The following TMEM177 variants were observed in gnomAD, a reference collection of about 807,000 sequenced individuals.
TMEM177 encodes the protein transmembrane protein 177.
TMEM177 carries 4 observed loss-of-function variants against 14.2 expected under a neutral mutation model. The observed-to-expected ratio is 0.28, with a 90% confidence interval of 0.14 to 0.64. TMEM177 has a LOEUF of 0.64. TMEM177 is among the 30% of genes least tolerant of loss of function. TMEM177 has a pLI of 0.82. For synonymous variants in TMEM177, 179 were observed against 174.5 expected, an observed-to-expected ratio of 1.03 and a Z score of -0.20; for missense variants, 344 against 405.2, an observed-to-expected ratio of 0.85 and a Z score of 1.30.
chr2:119,693,302 G>A, the TMEM177 span, among the ~76,000 whole-genome samples: 1 of 152,198 alleles, frequency 6.6e-6, no homozygotes, highest in Non-Finnish European at 1.5e-5. Flanking sequence ...GTTTGACGCA[G>A]TAGCACACAG....
At chr2:119,688,204 A>C (rs1203490188), downstream of TMEM177, among the ~76,000 whole-genome samples, 1 of 152,224 alleles carries the variant, frequency 6.6e-6, no homozygotes, top group Non-Finnish European at 1.5e-5. Flanking sequence ...AATGAGGTAC[A>C]ATCTGCATGG....
the TMEM177 span, among the ~76,000 whole-genome samples, chr2:119,720,141 T>G: frequency 6.6e-6 from 1 of 151,792 alleles, no homozygotes; most frequent in Non-Finnish European, 1.5e-5. Context: ...TATCCAAAAT[T>G]TTTAAAAATA....
chr2:119,702,249 G>A, the TMEM177 span, among the ~76,000 whole-genome samples: 6 of 152,200 alleles, frequency 3.9e-5, no homozygotes, highest in Non-Finnish European at 5.9e-5. Context: ...AGATGGAGTC[G>A]GTTAGGTCTG....
At chr2:119,684,447 G>T (rs1308306434), downstream of TMEM177, among the ~76,000 whole-genome samples, 1 of 152,186 alleles carries the variant, frequency 6.6e-6, no homozygotes, top group Non-Finnish European at 1.5e-5. Flanking sequence ...GGAGCTAGCG[G>T]CTTAGCATCT....
chr2:119,723,110 C>T, the TMEM177 span, among the ~76,000 whole-genome samples: 1 of 152,124 alleles, frequency 6.6e-6, no homozygotes, highest in East Asian at 1.9e-4. Context: ...AGTATCCCTG[C>T]TATAAGCCAT....
At chr2:119,690,181 T>C (rs1409177499), downstream of TMEM177, among the ~76,000 whole-genome samples, 1 of 152,212 alleles carries the variant, frequency 6.6e-6, no homozygotes, top group Non-Finnish European at 1.5e-5. Context: ...GGTTTAGCAC[T>C]GTCCCCCTGG....
chr2:119,685,959 A>G (rs1220861751), downstream of TMEM177: 2 of 506,108 alleles, frequency 4.0e-6, no homozygotes, highest in Non-Finnish European at 7.0e-6. Flanking sequence ...AGAAAGGGAC[A>G]ACCAGCCTAC....
chr2:119,696,054 C>G, the TMEM177 span, among the ~76,000 whole-genome samples: 3,980 of 152,290 alleles, frequency 0.026, 53 homozygotes, highest in Non-Finnish European at 0.032. Context: ...GGGTGAGCCA[C>G]ACTAGGGAGA....
intron 1 of TMEM177, 25 bp downstream of exon 1, chr2:119,679,301 G>C (rs1481520789): frequency 6.6e-6 from 1 of 152,220 alleles, no homozygotes; most frequent in East Asian, 1.9e-4. Context: ...CTGCGGAGTA[G>C]CCTAGGGGCC....
At chr2:119,701,310 G>C in the TMEM177 span, among the ~76,000 whole-genome samples, 1 of 152,192 alleles carries the variant, frequency 6.6e-6, no homozygotes, top group African/African-American at 2.4e-5. Context: ...AAAACAACAG[G>C]AGCAAAAGAG....
At chr2:119,686,937 A>G (rs1291983354), downstream of TMEM177, among the ~76,000 whole-genome samples, 1 of 152,196 alleles carries the variant, frequency 6.6e-6, no homozygotes, top group Non-Finnish European at 1.5e-5. Context: ...ATACAAGCAT[A>G]TGCCCTTGGT....
At chr2:119,688,065 AT>A (rs1292488842), downstream of TMEM177, among the ~76,000 whole-genome samples, 2 of 152,240 alleles carry the variant, frequency 1.3e-5, no homozygotes, top group Non-Finnish European at 2.9e-5. Flanking sequence ...AATAATGGAA[AT>A]GTTGAATAGC....
downstream of TMEM177, among the ~76,000 whole-genome samples, chr2:119,688,183 C>CT (rs1187703121): frequency 2.6e-5 from 4 of 152,040 alleles, no homozygotes; most frequent in Non-Finnish European, 5.9e-5. Flanking sequence ...AATATCAAAT[C>CT]TTTTTTTAAA....
At chr2:119,703,778 T>C in the TMEM177 span, among the ~76,000 whole-genome samples, 1 of 152,244 alleles carries the variant, frequency 6.6e-6, no homozygotes, top group South Asian at 2.1e-4. Context: ...TCTCCTCCAC[T>C]CTCTGCCTGT....
At chr2:119,685,473 C>A (rs1411069915), downstream of TMEM177, among the ~76,000 whole-genome samples, 2 of 137,672 alleles carry the variant, frequency 1.5e-5, no homozygotes, top group African/African-American at 2.7e-5. Context: ...AGGCTGAGTT[C>A]CAGATCAATG....
the TMEM177 span, among the ~76,000 whole-genome samples, chr2:119,697,224 C>T: frequency 1.3e-5 from 2 of 152,224 alleles, no homozygotes; most frequent in African/African-American, 2.4e-5. Flanking sequence ...CTCCACTTCC[C>T]GTCTCCACAT....
the TMEM177 span, among the ~76,000 whole-genome samples, chr2:119,711,538 G>A: frequency 6.6e-6 from 1 of 152,128 alleles, no homozygotes; most frequent in Admixed American, 6.5e-5. Context: ...CAAGTCCTGG[G>A]GGCTGACACT....
the TMEM177 span, among the ~76,000 whole-genome samples, chr2:119,706,453 C>T: frequency 6.6e-6 from 1 of 152,186 alleles, no homozygotes; most frequent in Admixed American, 6.5e-5. Context: ...TCTGTTCACC[C>T]ATCTGTCAGC....
chr2:119,702,854 C>G, the TMEM177 span, among the ~76,000 whole-genome samples: 126 of 152,324 alleles, frequency 8.3e-4, no homozygotes, highest in African/African-American at 2.6e-3. Context: ...CAAAACAGTC[C>G]TCTATCCCAG....
Sources: allele counts gnomAD v4.1 joint callset (sites outside exome capture counted in the v4.1 genomes callset), GRCh38; gene constraint gnomAD v4.1.1; transcripts MANE v1.5; gene names NCBI Gene and HGNC (gene_info 2026-07-23, HGNC 2026-07-21).